SRFBP1: variants seen among roughly 807,000 people sequenced by gnomAD.
The protein encoded by SRFBP1 is serum response factor-binding protein 1.
SRFBP1 carries 47 observed loss-of-function variants against 45.5 expected under a neutral mutation model. The observed-to-expected ratio is 1.03, with a 90% confidence interval of 0.82 to 1.32. The LOEUF (loss-of-function observed/expected upper bound fraction) is 1.32, where lower values mean the gene tolerates loss of function less well. Ranked by LOEUF, SRFBP1 falls within the 40% of genes most tolerant of loss-of-function variation. The probability of loss-of-function intolerance (pLI) is 0.00; values close to 1 mark genes in which losing one functional copy is unlikely to be tolerated. For missense variants in SRFBP1, 621 were observed against 484.6 expected, an observed-to-expected ratio of 1.28 and a Z score of -2.64; for synonymous variants, 203 against 166.3, an observed-to-expected ratio of 1.22 and a Z score of -1.70.
At chr5:122,077,786 T>A (rs1262315311), downstream of SRFBP1, 4 of 1,549,574 alleles carry the variant, frequency 2.6e-6, no homozygotes, top group Non-Finnish European at 2.6e-6. The surrounding 1 kb of genome is among the most constrained non-coding windows in gnomAD (Gnocchi z 4.9). Context: ...CCGGCGGCGC[T>A]GAGGCTGGTA....
At chr5:121,999,631 A>C (rs1752812662) in intron 4 of SRFBP1, among the ~76,000 whole-genome samples, 1 of 152,050 alleles carries the variant, frequency 6.6e-6, no homozygotes, top group African/African-American at 2.4e-5. Context: ...TATGTTAGAT[A>C]TGTAAACTTT....
At chr5:122,020,037 T>C (rs1753270373) in intron 5 of SRFBP1, 51 bp from the exon 6 acceptor site, 1 of 1,275,556 alleles carries the variant, frequency 7.8e-7, no homozygotes, top group African/African-American at 1.5e-5. Context: ...AAAACAGTCA[T>C]GTTTTATATG....
chr5:121,973,036 A>G (rs991154059), intron 1 of SRFBP1, among the ~76,000 whole-genome samples: 7 of 151,930 alleles, frequency 4.6e-5, no homozygotes, highest in Admixed American at 1.3e-4. Flanking sequence ...AAGAGAAGAT[A>G]TTAATTAAAT....
intron 4 of SRFBP1, among the ~76,000 whole-genome samples, chr5:121,994,894 T>C (rs1383820340): frequency 6.6e-6 from 1 of 152,092 alleles, no homozygotes; most frequent in Admixed American, 6.6e-5. Context: ...ATGTTGAACT[T>C]AATATGACAT....
intron 2 of SRFBP1, among the ~76,000 whole-genome samples, chr5:122,037,729 G>A (rs1753715611): frequency 6.6e-6 from 1 of 151,810 alleles, no homozygotes; most frequent in Non-Finnish European, 1.5e-5. Flanking sequence ...CGTCGCCCAG[G>A]CTGATCTCAA....
downstream of SRFBP1, among the ~76,000 whole-genome samples, chr5:122,031,056 A>T (rs1239476359): frequency 6.6e-6 from 1 of 152,208 alleles, no homozygotes; most frequent in African/African-American, 2.4e-5. Flanking sequence ...GAAGCTGTTA[A>T]CTTGTGGCTA....
At chr5:121,973,163 C>T (rs1268331685) in intron 1 of SRFBP1, among the ~76,000 whole-genome samples, 3 of 151,524 alleles carry the variant, frequency 2.0e-5, no homozygotes, top group African/African-American at 2.4e-5. Flanking sequence ...ATAAATATTA[C>T]AAGACTCCTG....
intron 3 of SRFBP1, among the ~76,000 whole-genome samples, chr5:121,985,468 A>T (rs1009502368): frequency 1.4e-4 from 21 of 151,864 alleles, no homozygotes; most frequent in African/African-American, 3.9e-4. Flanking sequence ...AGATATCAAC[A>T]TGGTCAAGAG....
rs1474222133 is a variant in SRFBP1 at position 122,007,392 on chromosome 5, A to T, written c.271-11868A>T. Reference sequence around the variant, plus strand: ...CTGGTACCATGGGGGCTGGCTGGGTATCAAGGCCAGCATGGAGCCTAGGTC... The same window carrying T: ...CTGGTACCATGGGGGCTGGCTGGGTTTCAAGGCCAGCATGGAGCCTAGGTC... On this transcript the variant is annotated intron_variant, in intron 4 of 7. Transcript: ENST00000339397. Among the ~76,000 whole-genome samples, 6 of 150,886 alleles carry T rather than the reference A, an allele frequency of 4.0e-5. No individual in the cohort carries two copies. The South Asian group carries it at 1.3e-3, about 32-fold the overall frequency.
At chr5:121,984,054 G>C (rs1752470181) in intron 3 of SRFBP1, among the ~76,000 whole-genome samples, 1 of 151,696 alleles carries the variant, frequency 6.6e-6, no homozygotes, top group Non-Finnish European at 1.5e-5. Flanking sequence ...CTTACCTATG[G>C]TTTTGTCTGA....
intron 3 of SRFBP1, among the ~76,000 whole-genome samples, chr5:121,990,801 C>G (rs918111012): frequency 1.3e-5 from 2 of 152,162 alleles, no homozygotes; most frequent in African/African-American, 2.4e-5. Flanking sequence ...GTCCTCAACA[C>G]ATTTTCTTTT....
downstream of SRFBP1, chr5:122,077,966 A>G (rs1754693395): frequency 6.8e-7 from 1 of 1,472,476 alleles, no homozygotes; most frequent in African/African-American, 1.5e-5. The surrounding 1 kb of genome is among the most constrained non-coding windows in gnomAD (Gnocchi z 4.9). Flanking sequence ...GAGCAGGAGC[A>G]CGGTCCAGGC....
chr5:122,008,514 G>A (rs1003273018), intron 4 of SRFBP1, among the ~76,000 whole-genome samples: 6 of 152,194 alleles, frequency 3.9e-5, no homozygotes, highest in African/African-American at 1.4e-4. Flanking sequence ...TGGGGTTGGG[G>A]AAGGGGTAAC....
chr5:122,060,440 C>T (rs763713331), intron 2 of SRFBP1, among the ~76,000 whole-genome samples: 1 of 151,960 alleles, frequency 6.6e-6, no homozygotes, highest in Non-Finnish European at 1.5e-5. Context: ...AGCCAAAATG[C>T]AGTCATGTGG....
chr5:121,988,982 G>A (rs1752572065), intron 3 of SRFBP1, among the ~76,000 whole-genome samples: 1 of 151,950 alleles, frequency 6.6e-6, no homozygotes, highest in Admixed American at 6.6e-5. Flanking sequence ...TAGAGTATTT[G>A]CAGTTATATT....
intron 1 of SRFBP1, among the ~76,000 whole-genome samples, chr5:121,964,889 C>G (rs1752030674): frequency 6.6e-6 from 1 of 152,172 alleles, no homozygotes. Flanking sequence ...GCCATTCTAA[C>G]TGGCATGAGA....
chr5:121,991,054 A>C (rs918286405), intron 3 of SRFBP1, among the ~76,000 whole-genome samples: 3 of 152,140 alleles, frequency 2.0e-5, no homozygotes, highest in Admixed American at 1.3e-4. Context: ...ATGTATTGTC[A>C]GGTAAGGGAC....
At chr5:121,978,109 T>C (rs1356986796) in intron 3 of SRFBP1, among the ~76,000 whole-genome samples, 1 of 152,202 alleles carries the variant, frequency 6.6e-6, no homozygotes, top group Non-Finnish European at 1.5e-5. Context: ...AACAAGTCTC[T>C]TACTCAATAA....
intron 1 of SRFBP1, among the ~76,000 whole-genome samples, chr5:121,970,489 T>TA (rs1475782535): frequency 1.3e-5 from 2 of 152,068 alleles, no homozygotes; most frequent in Non-Finnish European, 2.9e-5. Context: ...AACTTAACTT[T>TA]AAAAAATGTA....
Sources: allele counts gnomAD v4.1 joint callset (sites outside exome capture counted in the v4.1 genomes callset), GRCh38; gene constraint gnomAD v4.1.1; non-coding constraint Gnocchi (gnomAD v3.1); transcripts MANE v1.5; gene names NCBI Gene and HGNC (gene_info 2026-07-23, HGNC 2026-07-21).